Variants in MRTFA observed in about 807,000 individuals in gnomAD.
MRTFA encodes the protein myocardin-related transcription factor A.
A neutral mutation model predicts 83.5 loss-of-function variants in MRTFA; 20 were observed. The ratio of observed to expected loss-of-function variants is 0.24; its 90% CI spans 0.17 to 0.35. The LOEUF is 0.35. MRTFA is among the 10% of genes least tolerant of loss of function. The pLI is 1.00. For missense variants in MRTFA, 1,200 were observed against 1,224.7 expected (o/e 0.98, Z 0.30); for synonymous variants, 659 against 541.2 (o/e 1.22, Z -3.02).
chr22:40,594,691 C>G lies in MRTFA; in HGVS notation c.-39G>C, dbSNP rs1009290317. 2.0e-5 allele frequency: 3 copies of G among 152,124 alleles called. No homozygotes were observed. Among genetic ancestry groups the G allele is most frequent in the East Asian group, 1.9e-4 (1 of 5,200 alleles). The allele number at this position is 152,124 out of a possible 1,614,324, so 9.4% of individuals were successfully genotyped here. Reference sequence around the variant, plus strand: ...GGACCTACCTTGCTTACAATTCCCACAGACAGATGAAATTCAATTCCATGC... The same window carrying G: ...GGACCTACCTTGCTTACAATTCCCAGAGACAGATGAAATTCAATTCCATGC... On this transcript the variant is annotated 5_prime_UTR_variant, in exon 2 of 15. Transcript: ENST00000355630.
intron 3 of MRTFA, among the ~76,000 whole-genome samples, chr22:40,510,710 G>C (rs1602360213): frequency 6.6e-6 from 1 of 152,076 alleles, no homozygotes; most frequent in East Asian, 1.9e-4. Context: ...TGAAAATGCA[G>C]CAAACAATCA....
chr22:40,463,334 T>G (rs759947782), intron 3 of MRTFA, 48 bp from the exon 4 acceptor site: 7 of 1,510,250 alleles, frequency 4.6e-6, no homozygotes, highest in African/African-American at 1.4e-5. Flanking sequence ...AGTTGGGTAT[T>G]CCACCTCAAA....
chr22:40,624,570 G>A (rs2056560007), intron 1 of MRTFA, among the ~76,000 whole-genome samples: 1 of 151,978 alleles, frequency 6.6e-6, no homozygotes, highest in African/African-American at 2.4e-5. Flanking sequence ...AACCAAATAA[G>A]TACCCAGAAG....
rs1456740263 is a variant in MRTFA at position 40,416,597 on chromosome 22, G to A, written c.2578+389C>T. 6.6e-6 allele frequency among the ~76,000 whole-genome samples: 1 copy of A among 152,146 alleles called. No homozygotes were observed. Among genetic ancestry groups the A allele is most frequent in the Non-Finnish European group, 1.5e-5 (1 of 68,012 alleles). ...GCCCCTGCTCACAGGAGACATCCTG[G>A]ACCTTCCCCACCAGGCTCCCCAGAC... On this transcript the variant is annotated intron_variant, in intron 14 of 14. Transcript: ENST00000355630. The surrounding 1 kb of genome is among the most constrained non-coding windows in gnomAD (Gnocchi z 4.2).
chr22:40,494,314 A>G (rs1309259601), intron 3 of MRTFA, among the ~76,000 whole-genome samples: 3 of 152,192 alleles, frequency 2.0e-5, no homozygotes, highest in Non-Finnish European at 4.4e-5. Flanking sequence ...AAAAAGAGCT[A>G]TATGTGAATA....
intron 11 of MRTFA, among the ~76,000 whole-genome samples, chr22:40,420,123 G>A (rs1298277185): frequency 6.6e-6 from 1 of 152,230 alleles, no homozygotes; most frequent in Non-Finnish European, 1.5e-5. Context: ...AGTCGAGGAA[G>A]ATAAGAGACA....
chr22:40,462,530 A>G (rs547333595), intron 4 of MRTFA, among the ~76,000 whole-genome samples: 36 of 152,244 alleles, frequency 2.4e-4, no homozygotes, highest in Non-Finnish European at 5.0e-4. Context: ...CTGATGATTT[A>G]AAAAAGAAAG....
chr22:40,457,539 A>C (rs567997667), intron 4 of MRTFA, among the ~76,000 whole-genome samples: 1 of 152,324 alleles, frequency 6.6e-6, no homozygotes, highest in East Asian at 1.9e-4. Flanking sequence ...ATGCAACTTC[A>C]GACAGAGAGA....
At chr22:40,482,333 T>A (rs1486376734) in intron 3 of MRTFA, among the ~76,000 whole-genome samples, 1 of 152,134 alleles carries the variant, frequency 6.6e-6, no homozygotes, top group Admixed American at 6.6e-5. Flanking sequence ...TAAATATTAT[T>A]CCCCACATCC....
chr22:40,513,363 G>A (rs1009051030), intron 3 of MRTFA, among the ~76,000 whole-genome samples: 5 of 152,170 alleles, frequency 3.3e-5, no homozygotes, highest in African/African-American at 1.2e-4. Context: ...CACTTTAGGA[G>A]GCCAAGGCGG....
intron 12 of MRTFA, chr22:40,417,705 C>A: frequency 1.8e-6 from 1 of 558,464 alleles, no homozygotes; most frequent in Non-Finnish European, 3.2e-6. Flanking sequence ...GGTGCCTGGC[C>A]CCTTGAGGTT....
chr22:40,503,921 A>G (rs1002881921), intron 3 of MRTFA, among the ~76,000 whole-genome samples: 1 of 151,544 alleles, frequency 6.6e-6, no homozygotes, highest in East Asian at 1.9e-4. Context: ...GACTGTCTCA[A>G]GTTTAAAAAA....
intron 2 of MRTFA, among the ~76,000 whole-genome samples, chr22:40,552,703 A>T (rs1182702130): frequency 6.6e-6 from 1 of 152,236 alleles, no homozygotes; most frequent in East Asian, 1.9e-4. Flanking sequence ...TGAATCAATT[A>T]AATCTCTTTC....
At chr22:40,550,785 T>C (rs2147310543) in intron 3 of MRTFA, among the ~76,000 whole-genome samples, 1 of 152,090 alleles carries the variant, frequency 6.6e-6, no homozygotes, top group East Asian at 1.9e-4. Context: ...TTACGCAAAG[T>C]ACATAAGTTG....
At chr22:40,496,010 G>A (rs1037733326) in intron 3 of MRTFA, among the ~76,000 whole-genome samples, 1 of 151,454 alleles carries the variant, frequency 6.6e-6, no homozygotes, top group African/African-American at 2.4e-5. Context: ...AAGTTGCAGT[G>A]AGCCAAGATT....
At position 40,610,250 on chromosome 22, in the gene MRTFA, G is replaced by C. The variant is rs1325134797; in HGVS notation, c.-83-15515C>G. ...TTTAGTAGAGATAAGGTTTCACCAT[G>C]TTGGGCAGGCTGGTCTCAAACTCCT... On this transcript the variant is annotated intron_variant, in intron 1 of 14. Transcript: ENST00000355630. 3.3e-5 allele frequency among the ~76,000 whole-genome samples: 5 copies of C among 152,136 alleles called. No homozygotes were observed. The East Asian group carries it at 9.7e-4, about 29-fold the overall frequency.
At chr22:40,556,108 G>A (rs994477141) in intron 2 of MRTFA, among the ~76,000 whole-genome samples, 2 of 149,986 alleles carry the variant, frequency 1.3e-5, no homozygotes, top group East Asian at 2.0e-4. Context: ...TGTTTGATTG[G>A]ACAATGAAAA....
intron 2 of MRTFA, among the ~76,000 whole-genome samples, chr22:40,556,816 C>G (rs1314786288): frequency 6.6e-6 from 1 of 152,180 alleles, no homozygotes; most frequent in African/African-American, 2.4e-5. Context: ...TCTGAAAGAG[C>G]ATGTCTGCTT....
intron 7 of MRTFA, among the ~76,000 whole-genome samples, chr22:40,427,732 C>T (rs1480438424): frequency 6.6e-6 from 1 of 152,174 alleles, no homozygotes; most frequent in Non-Finnish European, 1.5e-5. Context: ...AGCCCCTTTC[C>T]ACAACACCTG....
Sources: allele counts gnomAD v4.1 joint callset (sites outside exome capture counted in the v4.1 genomes callset), GRCh38; gene constraint gnomAD v4.1.1; non-coding constraint Gnocchi (gnomAD v3.1); transcripts MANE v1.5; gene names NCBI Gene and HGNC (gene_info 2026-07-23, HGNC 2026-07-21).